The following NCK2 variants were observed in gnomAD, a reference collection of about 807,000 sequenced individuals.
NCK2 encodes cytoplasmic protein NCK2.
NCK2 carries 16 observed loss-of-function variants against 33.9 expected under a neutral mutation model. The observed-to-expected ratio is 0.47, with a 90% CI of 0.32 to 0.72. The LOEUF (loss-of-function observed/expected upper bound fraction) is 0.72, where lower values mean the gene tolerates loss of function less well. Ranked by LOEUF, NCK2 falls within the 30% of genes least tolerant of loss-of-function variation. The pLI, the probability that NCK2 is intolerant of heterozygous loss-of-function variation, is 0.03. For missense variants in NCK2, 418 were observed against 537.3 expected (o/e 0.78, Z 2.19); for synonymous variants, 273 against 239.9 (o/e 1.14, Z -1.27).
intron 1 of NCK2, among the ~76,000 whole-genome samples, chr2:105,789,642 G>A (rs548785341): frequency 9.9e-5 from 15 of 152,244 alleles, no homozygotes; most frequent in East Asian, 7.7e-4. Context: ...ACCTGCCTTC[G>A]GAACCAGCTG....
intron 1 of NCK2, among the ~76,000 whole-genome samples, chr2:105,784,165 G>A (rs949124483): frequency 2.0e-5 from 3 of 152,160 alleles, no homozygotes; most frequent in African/African-American, 7.2e-5. Flanking sequence ...GTGCAGTGGC[G>A]TCATCTCTGT....
chr2:105,860,377 C>G (rs949297826), intron 3 of NCK2, among the ~76,000 whole-genome samples: 1 of 152,216 alleles, frequency 6.6e-6, no homozygotes, highest in Admixed American at 6.5e-5. Flanking sequence ...GGACCCTACC[C>G]ACCAAGTGCC....
chr2:105,785,608 A>G (rs1366602361), intron 1 of NCK2, among the ~76,000 whole-genome samples: 2 of 152,206 alleles, frequency 1.3e-5, no homozygotes, highest in Non-Finnish European at 2.9e-5. Flanking sequence ...AATAGCACCA[A>G]TAGAGTGGAA....
At chr2:105,860,950 T>C (rs1480734512) in intron 3 of NCK2, among the ~76,000 whole-genome samples, 6 of 151,488 alleles carry the variant, frequency 4.0e-5, no homozygotes, top group African/African-American at 1.5e-4. Flanking sequence ...GCACTATTGC[T>C]ACACTGGAGG....
At chr2:105,817,419 T>C (rs932065316) in intron 2 of NCK2, among the ~76,000 whole-genome samples, 7 of 152,184 alleles carry the variant, frequency 4.6e-5, no homozygotes, top group Non-Finnish European at 7.3e-5. Context: ...AAAATATGAA[T>C]TGCTGTTTGT....
chr2:105,864,567 G>C (rs1032436388), intron 3 of NCK2, among the ~76,000 whole-genome samples: 2 of 152,044 alleles, frequency 1.3e-5, no homozygotes, highest in African/African-American at 2.4e-5. Context: ...TCTCAGGCTT[G>C]GGAGGTACAC....
intron 3 of NCK2, among the ~76,000 whole-genome samples, chr2:105,861,394 A>G (rs898134031): frequency 6.6e-6 from 1 of 152,064 alleles, no homozygotes; most frequent in Admixed American, 6.5e-5. Flanking sequence ...CCACCTCTCT[A>G]TGGGGAAGGA....
chr2:105,790,626 C>T (rs143676949), intron 1 of NCK2, among the ~76,000 whole-genome samples: 3 of 152,370 alleles, frequency 2.0e-5, no homozygotes, highest in East Asian at 1.9e-4. Context: ...CTGCATCCCC[C>T]GCACCTGTCC....
At chr2:105,821,648 T>C (rs1675744689) in intron 2 of NCK2, among the ~76,000 whole-genome samples, 1 of 152,098 alleles carries the variant, frequency 6.6e-6, no homozygotes, top group Non-Finnish European at 1.5e-5. Context: ...GAAGCAGCTG[T>C]AATCTATGGG....
Position 105,893,283 on chromosome 2 carries a change from G to A in NCK2, c.*107G>A, listed in dbSNP as rs927683682. 2 of 1,113,642 alleles carry A rather than the reference G, an allele frequency of 1.8e-6. No individual in the cohort carries two copies. Among genetic ancestry groups the A allele is most frequent in the Non-Finnish European group, 1.3e-6 (1 of 799,452 alleles). 69.0% of individuals were successfully genotyped at this position (1,113,642 alleles called of 1,614,324 possible). A position where few individuals can be genotyped will look rare whatever the true frequency, so the allele number is the denominator to read the frequency against. Reference sequence around the variant, plus strand: ...GGGACGGCCCCGACGGCTTCTCTGCGAGTCTCTCTTTATGTTCAGGTCGCT... The same window carrying A: ...GGGACGGCCCCGACGGCTTCTCTGCAAGTCTCTCTTTATGTTCAGGTCGCT... On this transcript the variant is annotated 3_prime_UTR_variant, in exon 5 of 5. Transcript: ENST00000233154.
chr2:105,802,048 T>C (rs1475596763), intron 1 of NCK2, among the ~76,000 whole-genome samples: 1 of 152,192 alleles, frequency 6.6e-6, no homozygotes, highest in African/African-American at 2.4e-5. Flanking sequence ...GCCTACTGCC[T>C]TTGACCATGA....
chr2:105,769,717 C>T (rs1270903304), intron 1 of NCK2, among the ~76,000 whole-genome samples: 1 of 152,168 alleles, frequency 6.6e-6, no homozygotes, highest in African/African-American at 2.4e-5. Flanking sequence ...TTGCACTGTG[C>T]AGTACAGCCA....
At chr2:105,855,318 C>T (rs768278565) in intron 3 of NCK2, 29 bp downstream of exon 3, 1 of 1,523,720 alleles carries the variant, frequency 6.6e-7, no homozygotes, top group South Asian at 1.2e-5. Flanking sequence ...AGAGAGGAAG[C>T]CTTGTGCATT....
chr2:105,770,124 TAAAA>T (rs76726445), intron 1 of NCK2, among the ~76,000 whole-genome samples: 5,227 of 126,762 alleles, frequency 0.041, 150 homozygotes, highest in African/African-American at 0.09. Flanking sequence ...CACTAATAAG[TAAAA>T]AAAAAAAAAA....
At chr2:105,866,279 A>G (rs1677751618) in intron 3 of NCK2, among the ~76,000 whole-genome samples, 1 of 152,180 alleles carries the variant, frequency 6.6e-6, no homozygotes, top group Admixed American at 6.5e-5. Flanking sequence ...ATGCTCCGTG[A>G]TCTTATCACT....
At chr2:105,881,302 C>A (rs1318538984) in intron 3 of NCK2, 26 bp from the exon 4 acceptor site, 2 of 1,560,836 alleles carry the variant, frequency 1.3e-6, no homozygotes, top group East Asian at 4.5e-5. Flanking sequence ...TGCCCTGCGC[C>A]ACTGAGCCTT....
At chr2:105,757,587 A>G (rs547742401) in intron 1 of NCK2, among the ~76,000 whole-genome samples, 1 of 152,314 alleles carries the variant, frequency 6.6e-6, no homozygotes, top group South Asian at 2.1e-4. Context: ...GCCATGGGCC[A>G]GGCACTGTGC....
chr2:105,767,716 G>A (rs562963606), intron 1 of NCK2, among the ~76,000 whole-genome samples: 39 of 152,312 alleles, frequency 2.6e-4, no homozygotes, highest in African/African-American at 9.4e-4. Context: ...AATCAGGAGA[G>A]CTGCATTGGA....
At chr2:105,824,637 G>A (rs560909684) in intron 2 of NCK2, among the ~76,000 whole-genome samples, 1 of 152,306 alleles carries the variant, frequency 6.6e-6, no homozygotes, top group East Asian at 1.9e-4. Context: ...GGCGGCGTGT[G>A]CTTAGAACAG....
Sources: allele counts gnomAD v4.1 joint callset (sites outside exome capture counted in the v4.1 genomes callset), GRCh38; gene constraint gnomAD v4.1.1; transcripts MANE v1.5; gene names NCBI Gene and HGNC (gene_info 2026-07-23, HGNC 2026-07-21).